The following PGCKA1 variants were observed in gnomAD, a reference collection of about 807,000 sequenced individuals.
The protein encoded by PGCKA1 is PDCD10 and GCKIII kinases associated 1.
the PGCKA1 span, among the ~76,000 whole-genome samples, chr4:37,571,541 T>G: frequency 7.3e-6 from 1 of 137,672 alleles, no homozygotes; most frequent in Non-Finnish European, 1.6e-5. Context: ...TTTTGTATTT[T>G]TATTTTTATT....
the PGCKA1 span, among the ~76,000 whole-genome samples, chr4:37,487,350 C>T: frequency 2.0e-5 from 3 of 152,222 alleles, no homozygotes; most frequent in African/African-American, 7.2e-5. Context: ...ATGTAACCAT[C>T]TAACCATCCC....
the PGCKA1 span, among the ~76,000 whole-genome samples, chr4:37,573,038 G>A: frequency 6.6e-6 from 1 of 152,112 alleles, no homozygotes; most frequent in Admixed American, 6.5e-5. Context: ...GTAAATTTCT[G>A]TATACCCACC....
chr4:37,588,782 C>A, the PGCKA1 span: 4 of 1,236,170 alleles, frequency 3.2e-6, no homozygotes, highest in Non-Finnish European at 4.7e-6. Flanking sequence ...AAAAAAAAGG[C>A]AAACTTAATT....
the PGCKA1 span, among the ~76,000 whole-genome samples, chr4:37,543,878 T>A: frequency 6.6e-6 from 1 of 151,892 alleles, no homozygotes. Flanking sequence ...GCTTCTCCAA[T>A]CTGAACAAGC....
the PGCKA1 span, among the ~76,000 whole-genome samples, chr4:37,523,442 A>G: frequency 6.6e-6 from 1 of 151,932 alleles, no homozygotes; most frequent in East Asian, 2.0e-4. Context: ...AGTTAAAACC[A>G]GGTACTATGA....
At chr4:37,512,698 C>T in the PGCKA1 span, among the ~76,000 whole-genome samples, 20,931 of 151,986 alleles carry the variant, frequency 0.14, 1,691 homozygotes, top group Non-Finnish European at 0.18. Context: ...TCATGATCCA[C>T]CCGCCTCGGC....
At chr4:37,464,397 T>C in the PGCKA1 span, among the ~76,000 whole-genome samples, 3 of 152,192 alleles carry the variant, frequency 2.0e-5, no homozygotes, top group African/African-American at 7.2e-5. Flanking sequence ...GGACGCTAAC[T>C]ACTCCTGGAT....
the PGCKA1 span, chr4:37,588,937 T>C: frequency 1.9e-6 from 3 of 1,540,342 alleles, no homozygotes; most frequent in South Asian, 1.1e-5. Context: ...ATGGAGGAAT[T>C]TGTGATGAGC....
chr4:37,474,489 C>T, the PGCKA1 span, among the ~76,000 whole-genome samples: 468 of 152,122 alleles, frequency 3.1e-3, 3 homozygotes, highest in Middle Eastern at 0.02. Context: ...ACTGTAGGTA[C>T]GCAAAAACTC....
chr4:37,453,446 T>C, the PGCKA1 span, among the ~76,000 whole-genome samples: 1 of 152,030 alleles, frequency 6.6e-6, no homozygotes, highest in Non-Finnish European at 1.5e-5. Flanking sequence ...TCTAGGTCCA[T>C]GTAGCTCATA....
At chr4:37,479,696 T>C in the PGCKA1 span, among the ~76,000 whole-genome samples, 1 of 152,186 alleles carries the variant, frequency 6.6e-6, no homozygotes, top group Non-Finnish European at 1.5e-5. Context: ...AGAAGACCTA[T>C]GAATTTGGAG....
At chr4:37,483,743 C>A in the PGCKA1 span, among the ~76,000 whole-genome samples, 1 of 152,160 alleles carries the variant, frequency 6.6e-6, no homozygotes, top group African/African-American at 2.4e-5. Context: ...CACCTTGAAG[C>A]AGAAGAGCAC....
chr4:37,559,284 G>A, the PGCKA1 span, among the ~76,000 whole-genome samples: 1 of 121,708 alleles, frequency 8.2e-6, no homozygotes, highest in East Asian at 2.4e-4. Context: ...ATGAGTTCAT[G>A]CCCTTTGTAG....
the PGCKA1 span, among the ~76,000 whole-genome samples, chr4:37,575,847 G>A: frequency 2.0e-5 from 3 of 152,078 alleles, no homozygotes; most frequent in Non-Finnish European, 4.4e-5. Context: ...ACCATTTACT[G>A]AGGAAACTGT....
the PGCKA1 span, among the ~76,000 whole-genome samples, chr4:37,550,830 C>T: frequency 5.3e-5 from 8 of 152,050 alleles, no homozygotes; most frequent in East Asian, 3.8e-4. Flanking sequence ...ATGGGAATCC[C>T]GAGAATTAAT....
the PGCKA1 span, among the ~76,000 whole-genome samples, chr4:37,462,962 C>CAAAAAAAA: frequency 6.6e-5 from 4 of 60,306 alleles, no homozygotes; most frequent in African/African-American, 1.4e-4. Context: ...GACTCAGTAT[C>CAAAAAAAA]AAAAAAAAAA....
chr4:37,552,290 A>G, the PGCKA1 span, among the ~76,000 whole-genome samples: 1 of 152,346 alleles, frequency 6.6e-6, no homozygotes, highest in East Asian at 1.9e-4. Context: ...TGCTCAATCA[A>G]TCACGACCCT....
the PGCKA1 span, among the ~76,000 whole-genome samples, chr4:37,574,251 C>G: frequency 1.3e-5 from 2 of 151,932 alleles, no homozygotes; most frequent in Admixed American, 6.6e-5. Flanking sequence ...TTTTGTTTAG[C>G]ATACCTTTGA....
chr4:37,549,459 A>G, the PGCKA1 span, among the ~76,000 whole-genome samples: 23,069 of 152,224 alleles, frequency 0.15, 2,172 homozygotes, highest in East Asian at 0.43. Flanking sequence ...CCCCATGTCT[A>G]AGGTCCCTGG....
Sources: gnomAD v4.1 joint callset for allele counts (sites outside exome capture counted in the v4.1 genomes callset) on GRCh38, gnomAD v4.1.1 for gene constraint, MANE v1.5 for transcripts, NCBI Gene and HGNC (gene_info 2026-07-23, HGNC 2026-07-21) for gene names.